ANKS1B: variants seen among roughly 807,000 people sequenced by gnomAD.
The protein encoded by ANKS1B is ankyrin repeat and sterile alpha motif domain-containing protein 1B.
Under a neutral mutation model 148.3 loss-of-function variants are expected in ANKS1B, and 36 were observed. The ratio of observed to expected loss-of-function variants is 0.24; its 90% confidence interval spans 0.19 to 0.32. ANKS1B has a LOEUF of 0.32. Among genes scored for constraint, ANKS1B ranks in the 10% least tolerant of loss-of-function variants. The pLI, the probability that ANKS1B is intolerant of heterozygous loss-of-function variation, is 1.00. For synonymous variants in ANKS1B, 542 were observed against 560.8 expected (o/e 0.97, Z 0.47); for missense variants, 1,157 against 1,542.6 (o/e 0.75, Z 4.19).
intron 16 of ANKS1B, among the ~76,000 whole-genome samples, chr12:99,064,178 AT>A (rs1444502673): frequency 6.6e-6 from 1 of 152,218 alleles, no homozygotes; most frequent in East Asian, 1.9e-4. Context: ...TTGATACTAC[AT>A]TTTTGGGAAA....
intron 12 of ANKS1B, among the ~76,000 whole-genome samples, chr12:99,296,599 A>C (rs1027268787): frequency 3.3e-5 from 5 of 152,134 alleles, no homozygotes; most frequent in Admixed American, 3.3e-4. Context: ...ATATCAAAGC[A>C]TTGTTTTGTT....
rs1351181128 is a variant in ANKS1B at position 98,773,120 on chromosome 12, G to A, written c.3501C>T (p.Asp1167=). 1.2e-6 allele frequency: 2 copies of A among 1,613,882 alleles called. No homozygotes were observed. The highest frequency in any genetic ancestry group is 1.3e-5 in the African/African-American group (1 of 75,046). The change falls in exon 25 of 27, where the codon GAC becomes GAT. Residue 1167 remains aspartate (D), a synonymous_variant. Coordinates refer to ENST00000683438, the MANE Select transcript of ANKS1B (RefSeq NM_001352186.2). Reference sequence around the variant, plus strand: ...TTGTGATATAGGCAAATGTTGAGAGGTCTTCTGGGTCCTGGGCAGCACAGG... The same window carrying A: ...TTGTGATATAGGCAAATGTTGAGAGATCTTCTGGGTCCTGGGCAGCACAGG... ...NISCAAQDPE[D]LSTFAYITKD...
chr12:99,390,425 G>T lies in ANKS1B; in HGVS notation c.1756+9206C>A, dbSNP rs12580957. ...TCAGAATGACGTATGAAGATCTATT[G>T]TATAGACAAATGAGAAGCCCATCCC... is the stretch of plus-strand genomic sequence containing the variant. On this transcript the variant is annotated intron_variant, in intron 12 of 26. Transcript: ENST00000683438. 3.8e-3 allele frequency among the ~76,000 whole-genome samples: 578 copies of T among 152,216 alleles called. 37 individuals are homozygous for T. In the East Asian group the frequency reaches 0.086, roughly 23 times the overall value.
chr12:99,457,776 A>G (rs1037553624), intron 10 of ANKS1B, among the ~76,000 whole-genome samples: 3 of 152,178 alleles, frequency 2.0e-5, no homozygotes, highest in African/African-American at 7.2e-5. Context: ...CAAATTTATA[A>G]AACAATTTCT....
chr12:99,076,648 G>C (rs1466709651), intron 16 of ANKS1B, among the ~76,000 whole-genome samples: 1 of 152,136 alleles, frequency 6.6e-6, no homozygotes, highest in African/African-American at 2.4e-5. Context: ...ATGACATCAG[G>C]AGGCTTGGGT....
At chr12:98,758,080 T>A (rs2098304374) in intron 25 of ANKS1B, among the ~76,000 whole-genome samples, 1 of 152,240 alleles carries the variant, frequency 6.6e-6, no homozygotes, top group Non-Finnish European at 1.5e-5. Context: ...GTTCTGATAA[T>A]GGCTAATAAT....
chr12:99,861,923 T>C (rs1289629076), intron 1 of ANKS1B, among the ~76,000 whole-genome samples: 1 of 116,834 alleles, frequency 8.6e-6, no homozygotes, highest in Non-Finnish European at 1.7e-5. Flanking sequence ...TTAACACTTT[T>C]GGGGAATTTT....
rs1166735066 is a variant in ANKS1B at position 99,059,804 on chromosome 12, T to TATATATATATATATATATATATATGA, written c.2626-6496_2626-6495insTCATATATATATATATATATATATAT. ...ACTAAAATTCATATATATATATATA[T>TATATATATATATATATATATATATGA]ATGATAGGACGTGTAGACTAAAGGT... On this transcript the variant is annotated intron_variant, in intron 16 of 26. Coordinates refer to ENST00000683438, the MANE Select transcript of ANKS1B (RefSeq NM_001352186.2). 7.4e-4 allele frequency among the ~76,000 whole-genome samples: 108 copies of TATATATATATATATATATATATATGA among 146,726 alleles called. 1 individual carries two copies. Among genetic ancestry groups the TATATATATATATATATATATATATGA allele is most frequent in the African/African-American group, 2.5e-3 (98 of 39,184 alleles).
chr12:99,800,025 A>T (rs1463050524), intron 4 of ANKS1B, among the ~76,000 whole-genome samples: 1 of 152,172 alleles, frequency 6.6e-6, no homozygotes, highest in African/African-American at 2.4e-5. Context: ...CTGAAAATAG[A>T]CTGAAGGGAA....
chr12:98,745,773 C>T lies in ANKS1B; in HGVS notation c.3824G>A (p.Gly1275Asp). The T allele has an allele frequency of 4.3e-6, 7 of 1,613,786 alleles. No homozygotes were observed. Among genetic ancestry groups the T allele is most frequent in the Non-Finnish European group, 5.9e-6 (7 of 1,179,790 alleles). ...CGTGGTTTCATACTTGGTATTAATG[C>T]CCCTCTTGGCTTCTTGGCCCGGCTC... ...IVEPGQEAKR[G>D]INTKYETTIF The change falls in exon 27 of 27, where the codon GGC becomes GAC. Residue 1275 changes from glycine to aspartate, a missense_variant. By Grantham distance (94) the Gly-to-Asp change is moderately conservative. Around this residue, in one of 6 missense-constraint regions of ANKS1B, gnomAD observed 46 missense variants for 62.0 expected, o/e 0.74. Coordinates refer to ENST00000683438, the MANE Select transcript of ANKS1B (RefSeq NM_001352186.2).
chr12:99,675,440 T>G (rs763889730), intron 8 of ANKS1B, among the ~76,000 whole-genome samples: 4 of 151,992 alleles, frequency 2.6e-5, no homozygotes, highest in African/African-American at 7.2e-5. Flanking sequence ...TATTTTAATA[T>G]GTTGCACTGT....
chr12:99,157,147 A>G (rs1365199942), intron 14 of ANKS1B, among the ~76,000 whole-genome samples: 3 of 152,266 alleles, frequency 2.0e-5, no homozygotes, highest in Non-Finnish European at 4.4e-5. Flanking sequence ...TTTATGAATC[A>G]ATTTTAATAG....
At chr12:99,277,655 T>C (rs2077853239) in intron 12 of ANKS1B, among the ~76,000 whole-genome samples, 1 of 152,182 alleles carries the variant, frequency 6.6e-6, no homozygotes. Context: ...TGTTCAGTAG[T>C]TTGGGAAGCA....
chr12:98,939,863 T>C (rs182392791), intron 17 of ANKS1B, among the ~76,000 whole-genome samples: 2 of 152,318 alleles, frequency 1.3e-5, no homozygotes, highest in East Asian at 3.9e-4. Flanking sequence ...AATGTTTTAA[T>C]TGGTTCTTGA....
At chr12:98,958,136 T>G (rs1164594774) in intron 17 of ANKS1B, among the ~76,000 whole-genome samples, 1 of 152,176 alleles carries the variant, frequency 6.6e-6, no homozygotes, top group Non-Finnish European at 1.5e-5. Context: ...AATCTCTATT[T>G]CTTCTCTCTT....
chr12:99,621,834 GCATTAGACAGAT>G (rs2098055330), intron 9 of ANKS1B, among the ~76,000 whole-genome samples: 1 of 136,104 alleles, frequency 7.3e-6, no homozygotes. Flanking sequence ...CCCACTGACA[GCATTAGACAGAT>G]CATTGAGGCA....
chr12:99,065,959 A>G (rs929400269), intron 16 of ANKS1B, among the ~76,000 whole-genome samples: 42 of 152,198 alleles, frequency 2.8e-4, no homozygotes, highest in African/African-American at 9.4e-4. Context: ...TGGCAGGTGC[A>G]GTATTAAATA....
At chr12:99,148,782 C>T (rs2074017118) in intron 15 of ANKS1B, among the ~76,000 whole-genome samples, 1 of 152,078 alleles carries the variant, frequency 6.6e-6, no homozygotes, top group Non-Finnish European at 1.5e-5. Flanking sequence ...AACAATAATT[C>T]CTGCTTGGCT....
intron 15 of ANKS1B, among the ~76,000 whole-genome samples, chr12:99,122,270 T>C (rs2063088789): frequency 6.6e-6 from 1 of 152,184 alleles, no homozygotes; most frequent in Non-Finnish European, 1.5e-5. Flanking sequence ...AAAATATTAA[T>C]TAAGAGTATG....
Sources: gnomAD v4.1 joint callset for allele counts (sites outside exome capture counted in the v4.1 genomes callset) on GRCh38, gnomAD v4.1.1 for gene constraint, gnomAD v4.1.1 regional missense constraint, MANE v1.5 for transcripts, NCBI Gene and HGNC (gene_info 2026-07-23, HGNC 2026-07-21) for gene names.